The following GALNTL6 variants were observed in gnomAD, a reference collection of about 807,000 sequenced individuals.
GALNTL6 encodes polypeptide N-acetylgalactosaminyltransferase like 6.
In GALNTL6, 46 loss-of-function variants were observed where a neutral mutation model predicts 73.7. That is an observed-to-expected ratio of 0.62 (90% CI 0.49 to 0.80). GALNTL6 has a LOEUF of 0.80. Ranked by LOEUF, GALNTL6 falls within the 30% of genes least tolerant of loss-of-function variation. The pLI is 0.00. For synonymous variants in GALNTL6, 259 were observed against 263.7 expected (o/e 0.98, Z 0.17); for missense variants, 604 against 755.0 (o/e 0.80, Z 2.34).
chr4:172,373,483 G>C (rs528424641), intron 5 of GALNTL6, among the ~76,000 whole-genome samples: 1 of 152,292 alleles, frequency 6.6e-6, no homozygotes, highest in East Asian at 1.9e-4. Context: ...ACTAAGCCTT[G>C]AGCTTTTAAA....
At chr4:172,802,390 T>G (rs1034885393) in intron 5 of GALNTL6, among the ~76,000 whole-genome samples, 9 of 152,002 alleles carry the variant, frequency 5.9e-5, no homozygotes, top group African/African-American at 2.2e-4. Flanking sequence ...CAGGACCTGT[T>G]TAGGATTAAA....
chr4:172,613,669 A>G (rs1405950259), intron 5 of GALNTL6, among the ~76,000 whole-genome samples: 1 of 152,172 alleles, frequency 6.6e-6, no homozygotes, highest in East Asian at 1.9e-4. Context: ...CCACATCGTT[A>G]TAGTTGAAAA....
chr4:172,771,353 T>C (rs1738749928), intron 5 of GALNTL6, among the ~76,000 whole-genome samples: 1 of 152,202 alleles, frequency 6.6e-6, no homozygotes. Flanking sequence ...AAGAGTTCTC[T>C]AAGGTTCCAA....
chr4:172,777,744 T>C (rs886252494), intron 5 of GALNTL6, among the ~76,000 whole-genome samples: 5 of 152,212 alleles, frequency 3.3e-5, no homozygotes, highest in Admixed American at 6.5e-5. Context: ...GAGGTGGGTT[T>C]TTTTTTCTCT....
intron 2 of GALNTL6, among the ~76,000 whole-genome samples, chr4:171,887,375 T>G (rs1257762219): frequency 6.6e-6 from 1 of 152,152 alleles, no homozygotes; most frequent in East Asian, 1.9e-4. Context: ...TCATTAAAGA[T>G]TTTAGGTGGT....
intron 5 of GALNTL6, among the ~76,000 whole-genome samples, chr4:172,565,465 A>G (rs911842198): frequency 6.6e-6 from 1 of 152,210 alleles, no homozygotes; most frequent in African/African-American, 2.4e-5. Context: ...GTCGTGGTCT[A>G]TGATTCTCTT....
intron 5 of GALNTL6, among the ~76,000 whole-genome samples, chr4:172,559,714 T>C (rs1311378985): frequency 6.6e-6 from 1 of 152,176 alleles, no homozygotes; most frequent in Non-Finnish European, 1.5e-5. Flanking sequence ...TTCCTAGTCA[T>C]TGAGATATCA....
intron 8 of GALNTL6, among the ~76,000 whole-genome samples, chr4:172,896,727 C>T (rs1293960586): frequency 6.6e-6 from 1 of 152,114 alleles, no homozygotes. Context: ...CAGGAGGGGT[C>T]AAAGCTGATA....
At chr4:172,866,272 G>T (rs1017924419) in intron 7 of GALNTL6, among the ~76,000 whole-genome samples, 1 of 152,196 alleles carries the variant, frequency 6.6e-6, no homozygotes, top group African/African-American at 2.4e-5. Flanking sequence ...GGGATGGTGT[G>T]TGTGAGTGCA....
intron 5 of GALNTL6, among the ~76,000 whole-genome samples, chr4:172,453,893 C>T (rs1050699357): frequency 5.9e-5 from 9 of 152,122 alleles, no homozygotes; most frequent in Admixed American, 1.3e-4. Context: ...CTGTTAGTTC[C>T]ATCCCTGAAA....
At chr4:172,830,433 G>GT (rs1373238521) in intron 7 of GALNTL6, among the ~76,000 whole-genome samples, 1 of 10,656 alleles carries the variant, frequency 9.4e-5, no homozygotes, top group African/African-American at 1.1e-4. Context: ...TTTTGTTTGT[G>GT]TTATACTGCC....
At chr4:172,057,091 A>G (rs1731038275) in intron 2 of GALNTL6, among the ~76,000 whole-genome samples, 1 of 152,082 alleles carries the variant, frequency 6.6e-6, no homozygotes, top group Non-Finnish European at 1.5e-5. Flanking sequence ...TGCCTAATGT[A>G]TGTTACTTAT....
At chr4:172,545,314 GA>G (rs1357024332) in intron 5 of GALNTL6, among the ~76,000 whole-genome samples, 2 of 152,224 alleles carry the variant, frequency 1.3e-5, no homozygotes, top group East Asian at 3.9e-4. Context: ...CACTCTGTAA[GA>G]GCTGTGAAGA....
chr4:172,532,567 C>A (rs551340264), intron 5 of GALNTL6, among the ~76,000 whole-genome samples: 3 of 152,308 alleles, frequency 2.0e-5, no homozygotes, highest in South Asian at 4.1e-4. Flanking sequence ...CTCTATCAAT[C>A]ATTCTTTTCC....
At chr4:171,960,830 C>T (rs1739201007) in intron 2 of GALNTL6, among the ~76,000 whole-genome samples, 1 of 151,566 alleles carries the variant, frequency 6.6e-6, no homozygotes, top group African/African-American at 2.4e-5. Context: ...CACCTAAGGT[C>T]TAGATGCATT....
At chr4:172,955,820 G>C (rs539923145) in intron 10 of GALNTL6, among the ~76,000 whole-genome samples, 29 of 152,062 alleles carry the variant, frequency 1.9e-4, no homozygotes, top group Middle Eastern at 3.4e-3. Flanking sequence ...ACAGTCAAAG[G>C]GGGGGTTGTT....
chr4:172,878,887 G>A (rs964718306), intron 7 of GALNTL6, among the ~76,000 whole-genome samples: 2 of 151,800 alleles, frequency 1.3e-5, no homozygotes, highest in Middle Eastern at 3.4e-3. Flanking sequence ...GACACAAATA[G>A]TTTAAAAGTA....
chr4:172,437,308 A>G (rs1467775490), intron 5 of GALNTL6, among the ~76,000 whole-genome samples: 4 of 152,104 alleles, frequency 2.6e-5, no homozygotes, highest in Non-Finnish European at 1.5e-5. Context: ...TAAAACATCC[A>G]CAATGATGGG....
intron 5 of GALNTL6, among the ~76,000 whole-genome samples, chr4:172,385,645 C>A (rs948106220): frequency 1.3e-5 from 2 of 151,848 alleles, no homozygotes; most frequent in South Asian, 4.1e-4. Flanking sequence ...TACTGTCAAC[C>A]TATTATGTCT....
Sources: allele counts gnomAD v4.1 joint callset (sites outside exome capture counted in the v4.1 genomes callset), GRCh38; gene constraint gnomAD v4.1.1; transcripts MANE v1.5; gene names NCBI Gene and HGNC (gene_info 2026-07-23, HGNC 2026-07-21).